Variants in PHF21B observed in about 807,000 individuals in gnomAD.
PHF21B encodes PHD finger protein 21B.
In PHF21B, 22 loss-of-function variants were observed where a neutral mutation model predicts 62.2. The observed-to-expected ratio is 0.35, with a 90% CI of 0.25 to 0.51. The LOEUF (loss-of-function observed/expected upper bound fraction) is 0.51. Among genes scored for constraint, PHF21B ranks in the 20% least tolerant of loss-of-function variants. The pLI is 0.97. For synonymous variants in PHF21B, 341 were observed against 314.7 expected (o/e 1.08, Z -0.88); for missense variants, 701 against 707.9 (o/e 0.99, Z 0.11).
Position 45,009,697 on chromosome 22 carries a change from G to T in PHF21B, c.-148C>A. On this transcript the variant is annotated 5_prime_UTR_variant, in exon 1 of 13. Transcript: ENST00000313237. This position sits in a 1 kb window ranked among gnomAD's most constrained non-coding sequence, Gnocchi z 5.9. The stretch of plus-strand genomic sequence containing the variant: ...CGAGCCCCCTCCCCCACGGCCGAAA[G>T]GGAAGGGGGCTGGCGAAGGGGAAGA... 1.4e-6 allele frequency: 1 copy of T among 700,842 alleles called. No individual in the cohort carries two copies. Among genetic ancestry groups the T allele is most frequent in the South Asian group, 2.3e-5 (1 of 43,012 alleles). The allele number at this position is 700,842 out of a possible 1,614,324, so 43.4% of individuals were successfully genotyped here.
At chr22:44,958,171 G>A (rs1256098748) in intron 2 of PHF21B, among the ~76,000 whole-genome samples, 1 of 152,190 alleles carries the variant, frequency 6.6e-6, no homozygotes, top group Non-Finnish European at 1.5e-5. Flanking sequence ...CCAAAGTGCT[G>A]GGATTACAGG....
chr22:44,885,794 G>A, intron 11 of PHF21B, 69 bp downstream of exon 11: 1 of 1,491,390 alleles, frequency 6.7e-7, no homozygotes, highest in East Asian at 2.3e-5. Flanking sequence ...AGGACCAGGT[G>A]AGCCCAGAGG....
At position 45,009,294 on chromosome 22, in the gene PHF21B, G is replaced by C. The variant is rs867104863; in HGVS notation, c.54+202C>G. Reference sequence around the variant, plus strand: ...CCACGCGTCCTCGATCCCGCAAACTGTGCAGGACAGCGCCAGGGGCAGGCG... The same window carrying C: ...CCACGCGTCCTCGATCCCGCAAACTCTGCAGGACAGCGCCAGGGGCAGGCG... On this transcript the variant is annotated intron_variant, in intron 1 of 12. Coordinates refer to ENST00000313237, the MANE Select transcript of PHF21B (RefSeq NM_138415.5). The surrounding 1 kb of genome is among the most constrained non-coding windows in gnomAD (Gnocchi z 5.9). 3 of 607,836 alleles carry C rather than the reference G, an allele frequency of 4.9e-6. No individual in the cohort carries two copies. Among genetic ancestry groups the C allele is most frequent in the African/African-American group, 3.9e-5 (2 of 50,924 alleles). 37.7% of individuals were successfully genotyped at this position (607,836 alleles called of 1,614,324 possible).
At chr22:44,929,677 G>A (rs743830) in intron 2 of PHF21B, among the ~76,000 whole-genome samples, 16,125 of 152,294 alleles carry the variant, frequency 0.11, 1,278 homozygotes, top group African/African-American at 0.22. Flanking sequence ...CAGAGGGGAG[G>A]TCCCTGTACC....
chr22:44,899,286 T>G (rs74768642), intron 5 of PHF21B, among the ~76,000 whole-genome samples: 1 of 11,908 alleles, frequency 8.4e-5, no homozygotes, highest in East Asian at 5.4e-3. Context: ...GTTCTTATTC[T>G]TTTTTTTTTT....
intron 2 of PHF21B, among the ~76,000 whole-genome samples, chr22:44,949,877 T>C (rs1391802659): frequency 1.3e-5 from 2 of 152,324 alleles, no homozygotes; most frequent in East Asian, 3.9e-4. Flanking sequence ...CAAGAACAGA[T>C]GTGAGTTAAA....
At chr22:44,919,654 C>T (rs2071499606) in intron 3 of PHF21B, among the ~76,000 whole-genome samples, 1 of 152,230 alleles carries the variant, frequency 6.6e-6, no homozygotes, top group Non-Finnish European at 1.5e-5. Flanking sequence ...CACTGGCAGC[C>T]TCTGGCCCAG....
chr22:44,968,606 T>C (rs953446419), intron 2 of PHF21B, among the ~76,000 whole-genome samples: 1 of 138,766 alleles, frequency 7.2e-6, no homozygotes, highest in African/African-American at 2.7e-5. Context: ...ATTGCGCCAC[T>C]GCACTCCAGC....
intron 2 of PHF21B, among the ~76,000 whole-genome samples, chr22:44,938,725 T>C (rs908947119): frequency 2.6e-5 from 4 of 152,170 alleles, no homozygotes; most frequent in African/African-American, 9.7e-5. Flanking sequence ...TTCATAGTTA[T>C]GTCAATGAGG....
intron 4 of PHF21B, among the ~76,000 whole-genome samples, chr22:44,915,323 T>C (rs2071413332): frequency 6.6e-6 from 1 of 152,216 alleles, no homozygotes; most frequent in Non-Finnish European, 1.5e-5. Context: ...ACCAAGGGAA[T>C]TCAACTTTCA....
chr22:44,907,969 G>C (rs939745875), intron 5 of PHF21B, among the ~76,000 whole-genome samples: 3 of 152,168 alleles, frequency 2.0e-5, no homozygotes, highest in Admixed American at 6.5e-5. Context: ...CAGCCTTGTG[G>C]CCCCCTGGGA....
At chr22:44,937,714 T>C (rs2071877377) in intron 2 of PHF21B, among the ~76,000 whole-genome samples, 1 of 152,242 alleles carries the variant, frequency 6.6e-6, no homozygotes, top group Non-Finnish European at 1.5e-5. Context: ...GCAAACCTAC[T>C]GTGGGACCCC....
intron 2 of PHF21B, among the ~76,000 whole-genome samples, chr22:45,007,793 G>C (rs1192629819): frequency 2.0e-5 from 3 of 150,860 alleles, no homozygotes; most frequent in African/African-American, 4.9e-5. Flanking sequence ...GGGGGCGGGG[G>C]CGCGCGGCCG....
chr22:44,889,919 T>G, intron 8 of PHF21B, 137 bp from the exon 9 acceptor site: 5 of 827,792 alleles, frequency 6.0e-6, no homozygotes, highest in Non-Finnish European at 7.0e-6. Context: ...GCCCCCATGA[T>G]ACCTGGGCTC....
chr22:44,929,855 G>T (rs556401236), intron 2 of PHF21B, among the ~76,000 whole-genome samples: 12 of 152,198 alleles, frequency 7.9e-5, no homozygotes, highest in Non-Finnish European at 1.5e-4. Flanking sequence ...GAGATGCGAG[G>T]GTCCACCGGG....
At chr22:44,975,128 G>A (rs559167530) in intron 2 of PHF21B, among the ~76,000 whole-genome samples, 1 of 152,294 alleles carries the variant, frequency 6.6e-6, no homozygotes, top group South Asian at 2.1e-4. Context: ...GAAGAGAGCA[G>A]AGAATCTTCC....
At chr22:44,962,442 C>T (rs897825324) in intron 2 of PHF21B, among the ~76,000 whole-genome samples, 32 of 152,238 alleles carry the variant, frequency 2.1e-4, no homozygotes, top group Non-Finnish European at 1.8e-4. Flanking sequence ...AACATTGGCA[C>T]GGCTGATGGG....
intron 2 of PHF21B, chr22:44,933,512 C>T: frequency 6.1e-6 from 6 of 985,436 alleles, no homozygotes; most frequent in Non-Finnish European, 7.2e-6. Flanking sequence ...GAGGTTCTGC[C>T]CGCGATCTGG....
chr22:44,921,563 C>T (rs563005831), intron 2 of PHF21B, among the ~76,000 whole-genome samples: 3 of 151,440 alleles, frequency 2.0e-5, no homozygotes, highest in Admixed American at 2.0e-4. Flanking sequence ...GACGGGGTTT[C>T]ACCGTGTTAG....
Sources: allele counts gnomAD v4.1 joint callset (sites outside exome capture counted in the v4.1 genomes callset), GRCh38; gene constraint gnomAD v4.1.1; non-coding constraint Gnocchi (gnomAD v3.1); transcripts MANE v1.5; gene names NCBI Gene and HGNC (gene_info 2026-07-23, HGNC 2026-07-21).